The following ATG7 variants were observed in gnomAD, a reference collection of about 807,000 sequenced individuals.
ATG7 encodes the protein ubiquitin-like modifier-activating enzyme ATG7.
Under a neutral mutation model 82.4 loss-of-function variants are expected in ATG7, and 70 were observed. The observed-to-expected ratio is 0.85, with a 90% confidence interval of 0.70 to 1.04. ATG7 has a LOEUF of 1.04. Among genes scored for constraint, ATG7 ranks in the 50% least tolerant of loss-of-function variants. The pLI, the probability that ATG7 is intolerant of heterozygous loss-of-function variation, is 0.00. For synonymous variants in ATG7, 287 were observed against 313.0 expected, an observed-to-expected ratio of 0.92 and a Z score of 0.88; for missense variants, 792 against 864.3, an observed-to-expected ratio of 0.92 and a Z score of 1.05.
chr3:11,414,428 G>C (rs1038074658), intron 19 of ATG7, among the ~76,000 whole-genome samples: 4 of 152,146 alleles, frequency 2.6e-5, no homozygotes, highest in Admixed American at 6.6e-5. Context: ...CTGTGATTGC[G>C]TGTTAGTTCC....
intron 19 of ATG7, among the ~76,000 whole-genome samples, chr3:11,395,567 T>C (rs1248752943): frequency 6.6e-6 from 1 of 152,116 alleles, no homozygotes; most frequent in Non-Finnish European, 1.5e-5. Context: ...GTGAGCCACA[T>C]GACAATGGAA....
At chr3:11,492,512 C>T (rs1408529851) in intron 20 of ATG7, among the ~76,000 whole-genome samples, 2 of 152,168 alleles carry the variant, frequency 1.3e-5, no homozygotes, top group Non-Finnish European at 2.9e-5. Context: ...TTCTTGACAC[C>T]CTTTGCTGAG....
intron 20 of ATG7, among the ~76,000 whole-genome samples, chr3:11,488,993 T>G (rs2090065471): frequency 6.6e-6 from 1 of 152,156 alleles, no homozygotes; most frequent in Non-Finnish European, 1.5e-5. Context: ...AGTTCCTCCT[T>G]GTACCTCTGG....
intron 19 of ATG7, among the ~76,000 whole-genome samples, chr3:11,395,018 T>G (rs1451506424): frequency 6.6e-6 from 1 of 152,124 alleles, no homozygotes; most frequent in African/African-American, 2.4e-5. Context: ...TCTTACAGCA[T>G]TAAAGGAAGT....
intron 20 of ATG7, among the ~76,000 whole-genome samples, chr3:11,432,091 G>GT (rs2082945355): frequency 6.6e-6 from 1 of 152,190 alleles, no homozygotes; most frequent in African/African-American, 2.4e-5. Context: ...AGGTCAATGT[G>GT]TGAGGGTGCA....
At chr3:11,427,037 GC>G in intron 20 of ATG7, 111 bp downstream of exon 20, 4 of 1,314,122 alleles carry the variant, frequency 3.0e-6, no homozygotes, top group Non-Finnish European at 4.0e-6. Context: ...GTAACTTAGA[GC>G]AAATATCACT....
At chr3:11,410,857 G>A (rs1305389797) in intron 19 of ATG7, among the ~76,000 whole-genome samples, 3 of 152,184 alleles carry the variant, frequency 2.0e-5, no homozygotes, top group African/African-American at 7.2e-5. Flanking sequence ...TGTGAATAAT[G>A]CTGTTATGTA....
chr3:11,559,652 A>G (rs2072786676), downstream of ATG7, among the ~76,000 whole-genome samples: 1 of 152,226 alleles, frequency 6.6e-6, no homozygotes, highest in Admixed American at 6.5e-5. Flanking sequence ...GGGTGTGTGT[A>G]GTGGCCCTTG....
intron 20 of ATG7, among the ~76,000 whole-genome samples, chr3:11,428,907 C>A (rs947223683): frequency 1.3e-5 from 2 of 152,180 alleles, no homozygotes; most frequent in African/African-American, 4.8e-5. Flanking sequence ...GTTTATCTTA[C>A]ATTTTAGTTG....
rs529547944 is a variant in ATG7, at chr3:11,466,856, A to G, written c.2079+39930A>G. On this transcript the variant is annotated intron_variant, in intron 20 of 20. Transcript: ENST00000693202. ...TTTAAAAATAATGATGGAGCTGGGC[A>G]TGGTGGCACACACCTGTAATCCCAG... Among the ~76,000 whole-genome samples, 31 of 152,244 alleles carry G rather than the reference A, an allele frequency of 2.0e-4. 2 individuals are homozygous for G. In the South Asian group the frequency reaches 6.2e-3, roughly 31 times the overall value.
At chr3:11,527,915 T>G (rs1346547916) in intron 20 of ATG7, among the ~76,000 whole-genome samples, 1 of 152,214 alleles carries the variant, frequency 6.6e-6, no homozygotes, top group African/African-American at 2.4e-5. Context: ...AACACAGTAA[T>G]GTGTTGCCCG....
chr3:11,424,642 TAATA>T (rs2082212017), intron 19 of ATG7, among the ~76,000 whole-genome samples: 1 of 151,876 alleles, frequency 6.6e-6, no homozygotes, highest in Non-Finnish European at 1.5e-5. Flanking sequence ...AATCTTATTT[TAATA>T]AATATTGAAT....
At chr3:11,573,356 A>G in the ATG7 span, among the ~76,000 whole-genome samples, 316 of 99,646 alleles carry the variant, frequency 3.2e-3, 2 homozygotes, top group East Asian at 4.4e-3. Flanking sequence ...AGAAAGAAAG[A>G]AAGAAAGAAA....
chr3:11,521,817 G>A (rs2092450948), intron 20 of ATG7, among the ~76,000 whole-genome samples: 1 of 152,120 alleles, frequency 6.6e-6, no homozygotes, highest in Non-Finnish European at 1.5e-5. Context: ...TTCCCAAAGT[G>A]CTGGGATTAC....
At position 11,335,823 on chromosome 3, in the gene ATG7, G is replaced by T. The variant is rs560147684; in HGVS notation, c.889+2730G>T. Among the ~76,000 whole-genome samples, 4 of 151,890 alleles carry T rather than the reference G, an allele frequency of 2.6e-5. 1 individual carries two copies. Among genetic ancestry groups the T allele is most frequent in the Admixed American group, 2.6e-4 (4 of 15,250 alleles). On this transcript the variant is annotated intron_variant, in intron 11 of 20. Transcript: ENST00000693202. ...AGCGATTCTCCAGACTCAGCCTCCC[G>T]AGTGGCTGGGATTACAGTCGCGTGC...
intron 19 of ATG7, among the ~76,000 whole-genome samples, chr3:11,414,193 G>C (rs2081167220): frequency 6.6e-6 from 1 of 152,136 alleles, no homozygotes; most frequent in Non-Finnish European, 1.5e-5. Context: ...AGCTTCCTGA[G>C]TAGCTGGGAT....
intron 19 of ATG7, among the ~76,000 whole-genome samples, chr3:11,383,520 C>G (rs1252657025): frequency 6.6e-6 from 1 of 152,206 alleles, no homozygotes; most frequent in African/African-American, 2.4e-5. Flanking sequence ...TCTCGGCTCA[C>G]TGCAACCTCC....
intron 14 of ATG7, among the ~76,000 whole-genome samples, chr3:11,355,489 G>A (rs79124042): frequency 1.2e-4 from 18 of 152,242 alleles, no homozygotes; most frequent in African/African-American, 2.9e-4. Flanking sequence ...TCCAGAACAC[G>A]CAAGATGAAC....
chr3:11,424,466 G>A (rs906361061), intron 19 of ATG7, among the ~76,000 whole-genome samples: 1 of 151,742 alleles, frequency 6.6e-6, no homozygotes, highest in African/African-American at 2.4e-5. Context: ...GTGACAGAGC[G>A]AGACTGTCAC....
Sources: allele counts gnomAD v4.1 joint callset (sites outside exome capture counted in the v4.1 genomes callset), GRCh38; gene constraint gnomAD v4.1.1; transcripts MANE v1.5; gene names NCBI Gene and HGNC (gene_info 2026-07-23, HGNC 2026-07-21).